Variants in FGD4 observed in about 807,000 individuals in gnomAD.
FGD4 encodes the protein FYVE, RhoGEF and PH domain containing 4.
Under a neutral mutation model 102.0 loss-of-function variants are expected in FGD4, and 42 were observed. The observed-to-expected ratio is 0.41, with a 90% confidence interval of 0.32 to 0.53. The LOEUF (loss-of-function observed/expected upper bound fraction) is 0.53, where lower values mean the gene tolerates loss of function less well. FGD4 is among the 20% of genes least tolerant of loss of function. FGD4 has a pLI of 0.21. For synonymous variants in FGD4, 380 were observed against 375.7 expected, an observed-to-expected ratio of 1.01 and a Z score of -0.13; for missense variants, 902 against 1,078.2, an observed-to-expected ratio of 0.84 and a Z score of 2.29.
At chr12:32,446,849 G>A (rs1410814609) in intron 1 of FGD4, among the ~76,000 whole-genome samples, 1 of 152,166 alleles carries the variant, frequency 6.6e-6, no homozygotes, top group South Asian at 2.1e-4. Context: ...AGCGCGTACA[G>A]GAAGTGATGT....
chr12:32,569,084 C>T (rs1945432355), intron 2 of FGD4, among the ~76,000 whole-genome samples: 1 of 152,096 alleles, frequency 6.6e-6, no homozygotes, highest in African/African-American at 2.4e-5. Context: ...TCATCCTTGC[C>T]TCCCCTCTCT....
chr12:32,401,726 C>CTTTTTT (rs34078307), intron 1 of FGD4, among the ~76,000 whole-genome samples: 8 of 113,572 alleles, frequency 7.0e-5, no homozygotes, highest in South Asian at 6.0e-4. Flanking sequence ...CTTTTCCATT[C>CTTTTTT]TTTTTTTTTT....
intron 1 of FGD4, among the ~76,000 whole-genome samples, chr12:32,508,916 G>T (rs73301595): frequency 1.3e-5 from 2 of 152,212 alleles, no homozygotes. Flanking sequence ...GTTTGGGTGC[G>T]TGCGCACACA....
chr12:32,549,367 G>A (rs900836925), intron 1 of FGD4, among the ~76,000 whole-genome samples: 1 of 152,178 alleles, frequency 6.6e-6, no homozygotes, highest in African/African-American at 2.4e-5. Context: ...TTAATTCTGG[G>A]GTTCGGAAGG....
At chr12:32,485,953 G>C in intron 1 of FGD4, 4 of 1,286,576 alleles carry the variant, frequency 3.1e-6, no homozygotes, top group Non-Finnish European at 3.9e-6. Context: ...TTATGAAACA[G>C]AACTCTGTAC....
intron 1 of FGD4, among the ~76,000 whole-genome samples, chr12:32,468,463 A>G (rs73090152): frequency 0.19 from 28,301 of 152,206 alleles, 3,269 homozygotes; most frequent in East Asian, 0.27. Flanking sequence ...CTAGAGAAGC[A>G]TGAATATTGA....
intron 1 of FGD4, among the ~76,000 whole-genome samples, chr12:32,557,459 C>A (rs933948534): frequency 7.2e-5 from 11 of 151,988 alleles, no homozygotes; most frequent in Non-Finnish European, 1.3e-4. Flanking sequence ...GTCTTGGAGA[C>A]CTCTCAATTA....
chr12:32,601,227 G>A, intron 5 of FGD4, 51 bp from the exon 6 acceptor site: 1 of 1,582,546 alleles, frequency 6.3e-7, no homozygotes, highest in Non-Finnish European at 8.6e-7. Context: ...CACAGTGCTA[G>A]GTGGTTAACC....
At chr12:32,408,165 A>ATT (rs35583015) in intron 1 of FGD4, among the ~76,000 whole-genome samples, 1 of 116,204 alleles carries the variant, frequency 8.6e-6, no homozygotes, top group Non-Finnish European at 1.7e-5. Flanking sequence ...TGTCCAGCCA[A>ATT]TTTTTTTTTT....
At chr12:32,585,301 C>T (rs1366018905) in intron 4 of FGD4, among the ~76,000 whole-genome samples, 4 of 145,636 alleles carry the variant, frequency 2.7e-5, no homozygotes, top group South Asian at 2.2e-4. Context: ...TAGAACTGAA[C>T]GGTGAACTCA....
intron 1 of FGD4, among the ~76,000 whole-genome samples, chr12:32,443,345 T>A (rs1469912884): frequency 2.0e-5 from 3 of 151,936 alleles, no homozygotes; most frequent in African/African-American, 7.3e-5. Flanking sequence ...GACCCCTGGT[T>A]TTTTTGGTTT....
At chr12:32,578,100 AG>A (rs1946276175) in intron 3 of FGD4, among the ~76,000 whole-genome samples, 1 of 152,190 alleles carries the variant, frequency 6.6e-6, no homozygotes, top group Non-Finnish European at 1.5e-5. Context: ...CAAAGGTTGA[AG>A]GTTTAATTCA....
intron 4 of FGD4, among the ~76,000 whole-genome samples, chr12:32,583,678 C>G (rs993910888): frequency 6.6e-5 from 10 of 152,074 alleles, no homozygotes; most frequent in Non-Finnish European, 1.5e-4. Context: ...TAAGAAAGAG[C>G]TGATTTGCTG....
At chr12:32,407,226 A>G (rs1940977962) in intron 1 of FGD4, among the ~76,000 whole-genome samples, 1 of 149,552 alleles carries the variant, frequency 6.7e-6, no homozygotes, top group African/African-American at 2.5e-5. Context: ...CCCGGGTTCA[A>G]ATGATTCTCC....
At chr12:32,475,880 A>T (rs1224650451) in intron 1 of FGD4, among the ~76,000 whole-genome samples, 1 of 152,126 alleles carries the variant, frequency 6.6e-6, no homozygotes, top group Non-Finnish European at 1.5e-5. Context: ...GAATTGTTTT[A>T]TTTTTTAACC....
Position 32,416,953 on chromosome 12 carries a change from A to G in FGD4, c.166+16994A>G, listed in dbSNP as rs1245929379. Among the ~76,000 whole-genome samples, 8 of 151,024 alleles carry G rather than the reference A, an allele frequency of 5.3e-5. No individual in the cohort carries two copies. The East Asian group carries it at 1.2e-3, about 22-fold the overall frequency. ...GCTCTGTCACCCAGGTTGGAGTGCA[A>G]TGGCACAATCTCGGCTCACTGCAAC... On this transcript the variant is annotated intron_variant, in intron 1 of 16. Transcript: ENST00000534526.
At chr12:32,418,190 TCGTGATC>T (rs1368163479) in intron 1 of FGD4, among the ~76,000 whole-genome samples, 1 of 152,034 alleles carries the variant, frequency 6.6e-6, no homozygotes, top group African/African-American at 2.4e-5. Context: ...TCTCCTGACC[TCGTGATC>T]CGCCCGCCTC....
intron 1 of FGD4, among the ~76,000 whole-genome samples, chr12:32,434,791 T>A (rs1456659479): frequency 6.6e-6 from 1 of 152,228 alleles, no homozygotes; most frequent in Non-Finnish European, 1.5e-5. Flanking sequence ...ACACAATGTG[T>A]TGAGGCACCA....
rs1426350085 is a variant in FGD4 at position 32,643,742 on chromosome 12, GGTTGTTAAAGATTCT to G, written c.*3210_*3224del. ...AACGATAAAGTTTGTGGTACTGCAG[GGTTGTTAAAGATTCT>G]TTGATGCCTTCTAAAAACTTTTGTC... On this transcript the variant is annotated 3_prime_UTR_variant, in exon 17 of 17. Coordinates refer to ENST00000534526, the MANE Select transcript of FGD4 (RefSeq NM_001370298.3). 1 of 151,504 alleles carries G rather than the reference GGTTGTTAAAGATTCT, an allele frequency of 6.6e-6. No individual in the cohort carries two copies. Among genetic ancestry groups the G allele is most frequent in the Admixed American group, 6.6e-5 (1 of 15,222 alleles). 9.4% of individuals were successfully genotyped at this position (151,504 alleles called of 1,614,324 possible).
Sources: allele counts gnomAD v4.1 joint callset (sites outside exome capture counted in the v4.1 genomes callset), GRCh38; gene constraint gnomAD v4.1.1; transcripts MANE v1.5; gene names NCBI Gene and HGNC (gene_info 2026-07-23, HGNC 2026-07-21).